The following NCKAP5 variants were observed in gnomAD, a reference collection of about 807,000 sequenced individuals.
The protein encoded by NCKAP5 is nck-associated protein 5.
A neutral mutation model predicts 167.0 loss-of-function variants in NCKAP5; 92 were observed. That is an observed-to-expected ratio of 0.55 (90% CI 0.47 to 0.66). NCKAP5 has a LOEUF of 0.66. NCKAP5 is among the 30% of genes least tolerant of loss of function. NCKAP5 has a pLI of 0.00. For missense variants in NCKAP5, 2,378 were observed against 2,315.0 expected, an observed-to-expected ratio of 1.03 and a Z score of -0.56; for synonymous variants, 891 against 877.4, an observed-to-expected ratio of 1.02 and a Z score of -0.27.
chr2:133,359,332 C>T (rs10175744), intron 3 of NCKAP5, among the ~76,000 whole-genome samples: 27,876 of 152,136 alleles, frequency 0.18, 2,590 homozygotes, highest in Non-Finnish European at 0.2. Flanking sequence ...ACCCCACATC[C>T]GTCTTACCCT....
chr2:133,531,614 G>C (rs1338483572), intron 2 of NCKAP5, among the ~76,000 whole-genome samples: 1 of 152,094 alleles, frequency 6.6e-6, no homozygotes, highest in South Asian at 2.1e-4. Flanking sequence ...CATTGACCAG[G>C]GAAGCAAGTT....
At chr2:132,935,748 C>T (rs1477543513) in intron 8 of NCKAP5, among the ~76,000 whole-genome samples, 1 of 152,070 alleles carries the variant, frequency 6.6e-6, no homozygotes, top group African/African-American at 2.4e-5. Flanking sequence ...CCAGTGCTCA[C>T]AAGGACCCTT....
the NCKAP5 span, among the ~76,000 whole-genome samples, chr2:133,597,010 AT>A: frequency 1.3e-5 from 2 of 152,200 alleles, no homozygotes; most frequent in South Asian, 2.1e-4. Context: ...ATGGACTAAC[AT>A]TGCAAAGGCT....
At chr2:133,272,597 C>T (rs1250867312) in intron 4 of NCKAP5, among the ~76,000 whole-genome samples, 10 of 152,072 alleles carry the variant, frequency 6.6e-5, no homozygotes. Flanking sequence ...TAAACTTATT[C>T]CTTGAGATAA....
At chr2:132,747,942 T>C (rs558286391) in intron 16 of NCKAP5, among the ~76,000 whole-genome samples, 1 of 152,332 alleles carries the variant, frequency 6.6e-6, no homozygotes, top group Admixed American at 6.5e-5. Flanking sequence ...TAGTACCTTC[T>C]TCTGTATTCA....
chr2:133,490,049 C>T (rs972995767), intron 3 of NCKAP5, among the ~76,000 whole-genome samples: 14 of 152,192 alleles, frequency 9.2e-5, no homozygotes, highest in Non-Finnish European at 1.5e-4. Flanking sequence ...GCCACAGGAT[C>T]TCCAAGACAG....
intron 3 of NCKAP5, among the ~76,000 whole-genome samples, chr2:133,517,008 C>A (rs1684055872): frequency 6.6e-6 from 1 of 152,168 alleles, no homozygotes; most frequent in South Asian, 2.1e-4. Context: ...AGTTAGTTTA[C>A]AGACAACTGA....
rs115016013 is a variant in NCKAP5, at chr2:133,111,612, A to G, written c.341+18366T>C. Among the ~76,000 whole-genome samples the G allele has an allele frequency of 1.6e-3, 242 of 152,316 alleles. 1 individual carries two copies. Among genetic ancestry groups the G allele is most frequent in the Middle Eastern group, 6.8e-3 (2 of 294 alleles). The stretch of plus-strand genomic sequence containing the variant: ...CACACCCATGACCATCACCTCTCTC[A>G]TAGCCCTCTGCCATGATTCTCATGG... On this transcript the variant is annotated intron_variant, in intron 6 of 19. Coordinates refer to ENST00000409261, the MANE Select transcript of NCKAP5 (RefSeq NM_207363.3).
chr2:133,608,947 T>G, the NCKAP5 span, among the ~76,000 whole-genome samples: 1 of 152,240 alleles, frequency 6.6e-6, no homozygotes, highest in East Asian at 1.9e-4. Context: ...TTTTGAACAT[T>G]TGAACATTTC....
chr2:133,445,472 C>T (rs1691135003), intron 3 of NCKAP5, among the ~76,000 whole-genome samples: 1 of 152,222 alleles, frequency 6.6e-6, no homozygotes, highest in Admixed American at 6.5e-5. Context: ...ATCCAAGGCT[C>T]ACTTTTGTAG....
chr2:132,977,434 G>T (rs2077009519), intron 7 of NCKAP5, among the ~76,000 whole-genome samples: 1 of 151,968 alleles, frequency 6.6e-6, no homozygotes, highest in African/African-American at 2.4e-5. Flanking sequence ...TCCTTTAACT[G>T]ACACCCCCTG....
chr2:133,258,851 G>A (rs2088764027), intron 4 of NCKAP5, among the ~76,000 whole-genome samples: 1 of 152,044 alleles, frequency 6.6e-6, no homozygotes, highest in African/African-American at 2.4e-5. Context: ...CTGTAGGAGA[G>A]AAACATTTTT....
intron 19 of NCKAP5, among the ~76,000 whole-genome samples, chr2:132,688,558 T>C (rs777657333): frequency 3.9e-5 from 6 of 152,022 alleles, no homozygotes; most frequent in Non-Finnish European, 7.4e-5. Context: ...TCTCAGAACA[T>C]GTAAAAGCAA....
At chr2:133,087,815 C>T (rs999139078) in intron 6 of NCKAP5, among the ~76,000 whole-genome samples, 23 of 152,174 alleles carry the variant, frequency 1.5e-4, no homozygotes, top group African/African-American at 5.1e-4. Context: ...GAGCTCCTAG[C>T]CAAGTCATTC....
intron 3 of NCKAP5, among the ~76,000 whole-genome samples, chr2:133,469,840 G>A (rs1014800051): frequency 4.0e-5 from 6 of 151,144 alleles, no homozygotes; most frequent in African/African-American, 7.3e-5. Flanking sequence ...TGTAGTTCTC[G>A]AGCCTTGGTT....
chr2:133,578,597 A>G, the NCKAP5 span, among the ~76,000 whole-genome samples: 1 of 152,018 alleles, frequency 6.6e-6, no homozygotes, highest in Non-Finnish European at 1.5e-5. Context: ...AAGGGGCCAT[A>G]CTCACTCCAC....
intron 8 of NCKAP5, among the ~76,000 whole-genome samples, chr2:132,892,586 G>A (rs1013286372): frequency 1.3e-5 from 2 of 152,040 alleles, no homozygotes; most frequent in African/African-American, 4.8e-5. Context: ...GAATATTTGT[G>A]GCATTAACCA....
intron 4 of NCKAP5, among the ~76,000 whole-genome samples, chr2:133,227,672 G>T (rs928275326): frequency 6.6e-6 from 1 of 152,138 alleles, no homozygotes; most frequent in Non-Finnish European, 1.5e-5. Context: ...TTGATGCTCT[G>T]ATCATCTGCC....
chr2:132,672,837 A>G lies in NCKAP5; in HGVS notation c.*452T>C, dbSNP rs892877271. Reference sequence around the variant, plus strand: ...GCTTAATCCTCTTGAAACACAATAAATGGAGTCTATCTTTATTGCCCTGTC... The same window carrying G: ...GCTTAATCCTCTTGAAACACAATAAGTGGAGTCTATCTTTATTGCCCTGTC... On this transcript the variant is annotated 3_prime_UTR_variant, in exon 20 of 20. Transcript: ENST00000409261. The G allele has an allele frequency of 3.0e-5, 12 of 397,760 alleles. No individual in the cohort carries two copies. Among genetic ancestry groups the G allele is most frequent in the African/African-American group, 2.6e-4 (12 of 45,710 alleles). The allele number at this position is 397,760 out of a possible 1,614,324, so 24.6% of individuals were successfully genotyped here. A position where few individuals can be genotyped will look rare whatever the true frequency, so the allele number is the denominator to read the frequency against.
Sources: gnomAD v4.1 joint callset for allele counts (sites outside exome capture counted in the v4.1 genomes callset) on GRCh38, gnomAD v4.1.1 for gene constraint, MANE v1.5 for transcripts, NCBI Gene and HGNC (gene_info 2026-07-23, HGNC 2026-07-21) for gene names.